Variants in RBFOX1 observed in about 807,000 individuals in gnomAD.
RBFOX1 encodes the protein RNA binding protein fox-1 homolog 1.
RBFOX1 carries 8 observed loss-of-function variants against 57.7 expected under a neutral mutation model. The observed-to-expected ratio is 0.14, with a 90% CI of 0.08 to 0.25. The LOEUF is 0.25. Among genes scored for constraint, RBFOX1 ranks in the 10% least tolerant of loss-of-function variants. RBFOX1 has a pLI of 1.00. For synonymous variants in RBFOX1, 326 were observed against 222.4 expected (o/e 1.47, Z -4.15); for missense variants, 611 against 548.5 (o/e 1.11, Z -1.14).
rs147057204 is a variant in RBFOX1, at chr16:7,036,446, C to T, written c.-15-15611C>T. 5.3e-3 allele frequency among the ~76,000 whole-genome samples: 807 copies of T among 152,098 alleles called. 5 individuals carry two copies. Among genetic ancestry groups the T allele is most frequent in the African/African-American group, 0.018 (736 of 41,490 alleles). ...TTCAGGGCGGCCGGGCGTGGTGGCT[C>T]ACGCTTGTAATCTCAATACTTTGGG... On this transcript the variant is annotated intron_variant, in intron 3 of 15. Coordinates refer to ENST00000550418, the MANE Select transcript of RBFOX1 (RefSeq NM_018723.4).
chr16:6,268,900 A>C (rs994517713), intron 1 of RBFOX1, among the ~76,000 whole-genome samples: 6 of 152,222 alleles, frequency 3.9e-5, no homozygotes, highest in African/African-American at 1.4e-4. Flanking sequence ...GTTCCAGGAC[A>C]GTCCAAAATC....
intron 3 of RBFOX1, among the ~76,000 whole-genome samples, chr16:6,671,981 G>T (rs1194838377): frequency 6.6e-6 from 1 of 152,176 alleles, no homozygotes; most frequent in Non-Finnish European, 1.5e-5. Context: ...TCGAACAGCT[G>T]ATTTTAAATG....
intron 3 of RBFOX1, among the ~76,000 whole-genome samples, chr16:6,716,713 C>G (rs1416851854): frequency 1.3e-5 from 2 of 152,148 alleles, no homozygotes; most frequent in Non-Finnish European, 2.9e-5. Flanking sequence ...GTTTGGTTCA[C>G]CAGTGGGCAT....
chr16:7,204,882 C>A (rs1400978647), intron 4 of RBFOX1, among the ~76,000 whole-genome samples: 1 of 152,194 alleles, frequency 6.6e-6, no homozygotes, highest in Non-Finnish European at 1.5e-5. Context: ...CTGTTCTTGA[C>A]TGTTTTGGAT....
intron 1 of RBFOX1, among the ~76,000 whole-genome samples, chr16:6,087,484 C>T (rs570921771): frequency 6.6e-6 from 1 of 152,098 alleles, no homozygotes; most frequent in South Asian, 2.1e-4. Context: ...TATGTGTATA[C>T]ACATATTTGG....
intron 1 of RBFOX1, among the ~76,000 whole-genome samples, chr16:5,272,764 C>G (rs2063046284): frequency 6.6e-6 from 1 of 152,284 alleles, no homozygotes; most frequent in South Asian, 2.1e-4. Flanking sequence ...TTCTACTCAC[C>G]TCCTCTGTCA....
intron 4 of RBFOX1, among the ~76,000 whole-genome samples, chr16:7,273,103 C>T (rs538863756): frequency 1.7e-5 from 2 of 120,470 alleles, no homozygotes; most frequent in Non-Finnish European, 3.3e-5. Flanking sequence ...CCCTCCCTTT[C>T]CTCCTTCCCT....
At chr16:7,211,113 C>T (rs1281167300) in intron 4 of RBFOX1, among the ~76,000 whole-genome samples, 10 of 149,016 alleles carry the variant, frequency 6.7e-5, no homozygotes, top group East Asian at 2.0e-4. Flanking sequence ...GACTCTGGGC[C>T]GGGTGCTGTG....
At chr16:5,725,185 C>G (rs138391286) in intron 3 of RBFOX1, among the ~76,000 whole-genome samples, 1 of 152,266 alleles carries the variant, frequency 6.6e-6, no homozygotes, top group African/African-American at 2.4e-5. Flanking sequence ...AATGAGCATG[C>G]CAAAACAATC....
intron 4 of RBFOX1, among the ~76,000 whole-genome samples, chr16:7,055,610 A>G (rs2051907219): frequency 6.6e-6 from 1 of 152,172 alleles, no homozygotes; most frequent in South Asian, 2.1e-4. Flanking sequence ...TCGTCACTGC[A>G]GTCGTTTTCT....
intron 1 of RBFOX1, among the ~76,000 whole-genome samples, chr16:5,290,492 C>G (rs770616494): frequency 6.6e-6 from 1 of 152,114 alleles, no homozygotes; most frequent in African/African-American, 2.4e-5. Context: ...TGTGAATGCA[C>G]TGAAACCATT....
chr16:6,623,047 G>T lies in RBFOX1; in HGVS notation c.-63-31556G>T, dbSNP rs188904797. Among the ~76,000 whole-genome samples, 20 of 152,252 alleles carry T rather than the reference G, an allele frequency of 1.3e-4. No homozygotes were observed. The East Asian group carries it at 3.7e-3, about 28-fold the overall frequency. On this transcript the variant is annotated intron_variant, in intron 2 of 15. Transcript: ENST00000550418. ...AAAGCCTCTTTGGCAAAAGACCTTT[G>T]TCAGTCCGCCATCGACATATATTGC...
At chr16:5,334,667 C>T (rs762505267) in intron 1 of RBFOX1, among the ~76,000 whole-genome samples, 4 of 151,834 alleles carry the variant, frequency 2.6e-5, no homozygotes, top group Admixed American at 6.6e-5. Flanking sequence ...TTCACATGTG[C>T]ACATATATAA....
At chr16:5,356,443 T>C (rs773308885) in intron 1 of RBFOX1, among the ~76,000 whole-genome samples, 1 of 152,224 alleles carries the variant, frequency 6.6e-6, no homozygotes, top group Non-Finnish European at 1.5e-5. Flanking sequence ...TATGCCCACA[T>C]TTCCTTAAGG....
intron 3 of RBFOX1, among the ~76,000 whole-genome samples, chr16:5,793,753 GTGTGCATGCATGCATGTGTGTA>G (rs1567549958): frequency 6.6e-6 from 1 of 152,070 alleles, no homozygotes; most frequent in Non-Finnish European, 1.5e-5. Flanking sequence ...TCGTGTGTGT[GTGTGCATGCATGCATGTGTGTA>G]TGTGCATGTG....
At chr16:6,082,520 G>A (rs996969597) in intron 1 of RBFOX1, among the ~76,000 whole-genome samples, 1 of 151,640 alleles carries the variant, frequency 6.6e-6, no homozygotes, top group African/African-American at 2.4e-5. Context: ...TCCTCAGTAG[G>A]ACAGCAAAGA....
chr16:5,628,552 C>T (rs1461628105), intron 3 of RBFOX1, among the ~76,000 whole-genome samples: 1 of 152,182 alleles, frequency 6.6e-6, no homozygotes, highest in Non-Finnish European at 1.5e-5. Flanking sequence ...GGAAACAACT[C>T]AAACATAAAG....
intron 4 of RBFOX1, among the ~76,000 whole-genome samples, chr16:7,328,497 A>AG (rs1370985704): frequency 6.6e-6 from 1 of 151,250 alleles, no homozygotes; most frequent in African/African-American, 2.4e-5. Context: ...AAAAAAAAAA[A>AG]AAAGAAGACC....
chr16:6,563,005 A>G (rs987257390), intron 2 of RBFOX1, among the ~76,000 whole-genome samples: 1 of 150,358 alleles, frequency 6.7e-6, no homozygotes, highest in African/African-American at 2.5e-5. Flanking sequence ...GCTTACCAGC[A>G]TGTTTTATCA....
Sources: allele counts gnomAD v4.1 joint callset (sites outside exome capture counted in the v4.1 genomes callset), GRCh38; gene constraint gnomAD v4.1.1; transcripts MANE v1.5; gene names NCBI Gene and HGNC (gene_info 2026-07-23, HGNC 2026-07-21).